The following AVEN variants were observed in gnomAD, a reference collection of about 807,000 sequenced individuals.
AVEN encodes the protein apoptosis and caspase activation inhibitor, also known as cell death regulator Aven.
In AVEN, 41 loss-of-function variants were observed where a neutral mutation model predicts 38.1. That is an observed-to-expected ratio of 1.08 (90% CI 0.84 to 1.40). The LOEUF (loss-of-function observed/expected upper bound fraction) is 1.40, where lower values mean the gene tolerates loss of function less well. AVEN is among the 40% of genes most tolerant of loss of function. AVEN has a pLI of 0.00. For synonymous variants in AVEN, 206 were observed against 171.8 expected (o/e 1.20, Z -1.56); for missense variants, 605 against 438.8 (o/e 1.38, Z -3.38).
chr15:33,852,989 T>G, the AVEN span: 1 of 1,455,286 alleles, frequency 6.9e-7, no homozygotes, highest in East Asian at 2.3e-5. Flanking sequence ...CGTTTCTTGA[T>G]GTGTTTTCCT....
intron 2 of AVEN, among the ~76,000 whole-genome samples, chr15:33,955,887 TG>T (rs1894932948): frequency 1.3e-5 from 2 of 152,232 alleles, no homozygotes; most frequent in Admixed American, 1.3e-4. Flanking sequence ...CCAGTAGAGA[TG>T]TGTTTCATGT....
intron 1 of AVEN, among the ~76,000 whole-genome samples, chr15:34,029,376 G>A (rs1462972245): frequency 1.3e-5 from 2 of 151,954 alleles, no homozygotes; most frequent in Admixed American, 1.3e-4. Context: ...ACCAGAATAA[G>A]AGGGGGAAAA....
chr15:34,035,610 CATCTT>C (rs1414839547), intron 1 of AVEN, among the ~76,000 whole-genome samples: 3 of 152,112 alleles, frequency 2.0e-5, no homozygotes, highest in Non-Finnish European at 4.4e-5. Context: ...TCAGCTGTCT[CATCTT>C]ATATTAAGTA....
intron 1 of AVEN, among the ~76,000 whole-genome samples, chr15:34,008,394 TG>T (rs561594202): frequency 1.8e-3 from 267 of 147,108 alleles, no homozygotes; most frequent in African/African-American, 6.5e-3. Flanking sequence ...CACTGAAGCC[TG>T]GGGGACAGAG....
At chr15:33,955,281 G>A (rs1263491948) in intron 2 of AVEN, among the ~76,000 whole-genome samples, 1 of 152,026 alleles carries the variant, frequency 6.6e-6, no homozygotes, top group African/African-American at 2.4e-5. Context: ...AAAAAATCTA[G>A]ATAGCAACCA....
chr15:34,030,885 T>C (rs1246972161), intron 1 of AVEN, among the ~76,000 whole-genome samples: 2 of 152,118 alleles, frequency 1.3e-5, no homozygotes, highest in Non-Finnish European at 2.9e-5. Context: ...CCCAAAGTGC[T>C]GGGATTACAG....
At chr15:34,039,291 G>GTGGT (rs1899356610), upstream of AVEN, 3 of 172,546 alleles carry the variant, frequency 1.7e-5, no homozygotes, top group South Asian at 6.0e-4. Flanking sequence ...GGAGCTGGAA[G>GTGGT]TGGTGGGGGT....
intron 2 of AVEN, among the ~76,000 whole-genome samples, chr15:33,989,213 A>G (rs1896612507): frequency 6.6e-6 from 1 of 152,176 alleles, no homozygotes; most frequent in South Asian, 2.1e-4. Context: ...CTAATTACAT[A>G]TATATGTTAG....
intron 2 of AVEN, among the ~76,000 whole-genome samples, chr15:33,916,205 C>T (rs1047035475): frequency 6.6e-6 from 1 of 152,206 alleles, no homozygotes; most frequent in African/African-American, 2.4e-5. Context: ...CACCTCCTGG[C>T]AAGAGGCCAA....
intron 3 of AVEN, among the ~76,000 whole-genome samples, chr15:33,871,791 A>AAAAAAAAAAAAAAAAAAAAG (rs1890965933): frequency 6.6e-6 from 1 of 151,484 alleles, no homozygotes; most frequent in African/African-American, 2.4e-5. Context: ...AAAAAAAAAA[A>AAAAAAAAAAAAAAAAAAAAG]GCCACTTTGT....
rs548488639 is a variant in AVEN at position 34,049,731 on chromosome 15, A to G, written n.1637+13191T>C. ...AAGATCAACCCCAAGACACACAATC[A>G]TCAGATTCTCCAACGTTGAAATGAA... On this transcript the variant is annotated intron_variant and non_coding_transcript_variant, in intron 5 of 11. Coordinates refer to the AVEN transcript ENST00000675287. 2.0e-5 allele frequency among the ~76,000 whole-genome samples: 3 copies of G among 152,190 alleles called. No homozygotes were observed. The South Asian group carries it at 6.2e-4, about 32-fold the overall frequency.
At chr15:33,966,466 G>T (rs559319395) in intron 2 of AVEN, among the ~76,000 whole-genome samples, 6 of 152,288 alleles carry the variant, frequency 3.9e-5, no homozygotes, top group African/African-American at 1.4e-4. Context: ...CATGACGTAT[G>T]ACAAGAGATA....
intron 3 of AVEN, 108 bp downstream of exon 3, chr15:33,875,817 G>A (rs1891199775): frequency 2.7e-6 from 3 of 1,094,344 alleles, no homozygotes; most frequent in Middle Eastern, 2.0e-4. Context: ...TACACTGTAA[G>A]AATTACTACT....
At chr15:34,016,174 C>T (rs557924607) in intron 1 of AVEN, among the ~76,000 whole-genome samples, 85 of 152,266 alleles carry the variant, frequency 5.6e-4, no homozygotes, top group African/African-American at 2.0e-3. Flanking sequence ...TACTCGGTTA[C>T]AGTGAGCCAA....
In AVEN at chr15:34,003,173, C is replaced by G. The variant is rs763859893; in HGVS notation, c.304G>C (p.Glu102Gln). The change falls in exon 2 of 6, where the codon GAG becomes CAG. Residue 102 changes from glutamate to glutamine, a missense_variant. Glu to Gln is a conservative substitution (Grantham distance 29). Coordinates refer to ENST00000306730, the MANE Select transcript of AVEN (RefSeq NM_020371.3). ...DDSDAETYGE[E>Q]NDEQGNYSKR... ...GAATAATTTCCCTGTTCATCATTCT[C>G]TTCTCCATAGGTCTCTGCATCGCTG... 1.9e-6 allele frequency: 3 copies of G among 1,613,756 alleles called. No homozygotes were observed. Among genetic ancestry groups the G allele is most frequent in the Non-Finnish European group, 1.7e-6 (2 of 1,179,912 alleles).
At chr15:33,868,690 T>C (rs1456251884) in intron 4 of AVEN, among the ~76,000 whole-genome samples, 1 of 150,128 alleles carries the variant, frequency 6.7e-6, no homozygotes, top group African/African-American at 2.5e-5. Flanking sequence ...CAAAAGAAAA[T>C]ACACTATTTG....
intron 1 of AVEN, among the ~76,000 whole-genome samples, chr15:34,072,335 G>A (rs1246479685): frequency 2.0e-5 from 3 of 150,218 alleles, no homozygotes; most frequent in East Asian, 2.0e-4. Context: ...TACCTGGGCC[G>A]GGCGCAGTGG....
At position 33,866,602 on chromosome 15, in the gene AVEN, T is replaced by C. The variant is rs1293619195; in HGVS notation, c.*11A>G. ...AACCAAGATTTGCTTCAGGCACTTT[T>C]TTTCCCCTTTTTAGGAAATCATGCT... On this transcript the variant is annotated 3_prime_UTR_variant, in exon 6 of 6. Coordinates refer to ENST00000306730, the MANE Select transcript of AVEN (RefSeq NM_020371.3). 1 of 1,608,300 alleles carries C rather than the reference T, an allele frequency of 6.2e-7. No individual in the cohort carries two copies. The highest frequency in any genetic ancestry group is 1.7e-5 in the Admixed American group (1 of 59,748).
chr15:34,011,360 AAATAT>A (rs1281026878), intron 1 of AVEN, among the ~76,000 whole-genome samples: 3 of 152,224 alleles, frequency 2.0e-5, no homozygotes, highest in African/African-American at 7.2e-5. Context: ...GTATTAAATA[AAATAT>A]ATGTTGTATA....
Sources: gnomAD v4.1 joint callset for allele counts (sites outside exome capture counted in the v4.1 genomes callset) on GRCh38, gnomAD v4.1.1 for gene constraint, MANE v1.5 for transcripts, NCBI Gene and HGNC (gene_info 2026-07-23, HGNC 2026-07-21) for gene names.